The following RSRC1 variants were observed in gnomAD, a reference collection of about 807,000 sequenced individuals.
The protein encoded by RSRC1 is serine/Arginine-related protein 53.
A neutral mutation model predicts 49.1 loss-of-function variants in RSRC1; 39 were observed. The observed-to-expected ratio is 0.79, with a 90% CI of 0.61 to 1.04. The LOEUF (loss-of-function observed/expected upper bound fraction) is 1.04. Among genes scored for constraint, RSRC1 ranks in the 50% least tolerant of loss-of-function variants. The probability of loss-of-function intolerance (pLI) is 0.00; values close to 1 mark genes in which losing one functional copy is unlikely to be tolerated. For missense variants in RSRC1, 388 were observed against 402.4 expected, an observed-to-expected ratio of 0.96 and a Z score of 0.31; for synonymous variants, 143 against 130.8, an observed-to-expected ratio of 1.09 and a Z score of -0.63.
At chr3:158,217,078 A>G (rs1423384495) in intron 4 of RSRC1, among the ~76,000 whole-genome samples, 1 of 151,730 alleles carries the variant, frequency 6.6e-6, no homozygotes, top group Non-Finnish European at 1.5e-5. Flanking sequence ...GAAGTTCAAT[A>G]TATTCAAAAC....
chr3:158,129,867 G>C (rs2108177465), intron 3 of RSRC1, among the ~76,000 whole-genome samples: 1 of 152,314 alleles, frequency 6.6e-6, no homozygotes, highest in Non-Finnish European at 1.5e-5. Flanking sequence ...CAGTAGAATA[G>C]GAGTATTGAC....
intron 8 of RSRC1, among the ~76,000 whole-genome samples, chr3:158,542,414 A>T (rs1465301337): frequency 6.6e-6 from 1 of 152,192 alleles, no homozygotes; most frequent in Non-Finnish European, 1.5e-5. Flanking sequence ...GTGCACCTGT[A>T]ATCCCAGATA....
chr3:158,243,200 T>C (rs1241922252), intron 4 of RSRC1, among the ~76,000 whole-genome samples: 1 of 152,232 alleles, frequency 6.6e-6, no homozygotes, highest in African/African-American at 2.4e-5. Flanking sequence ...TTTAAGTCTT[T>C]AATCTACCTT....
At chr3:158,244,311 C>G (rs1723761635) in intron 4 of RSRC1, among the ~76,000 whole-genome samples, 1 of 152,102 alleles carries the variant, frequency 6.6e-6, no homozygotes, top group Non-Finnish European at 1.5e-5. Flanking sequence ...ACTTAATTTA[C>G]TGAGACTTTT....
At chr3:158,262,566 A>G (rs979238027) in intron 4 of RSRC1, among the ~76,000 whole-genome samples, 8 of 152,254 alleles carry the variant, frequency 5.3e-5, no homozygotes, top group Admixed American at 2.0e-4. Context: ...TTACTACACA[A>G]ATTTTATAAT....
intron 4 of RSRC1, 127 bp from the exon 5 acceptor site, chr3:158,297,912 C>A (rs574868910): frequency 4.7e-5 from 30 of 644,446 alleles, no homozygotes; most frequent in Non-Finnish European, 7.1e-5. Flanking sequence ...TCCTTAAAAA[C>A]AGTGTTATGA....
intron 3 of RSRC1, among the ~76,000 whole-genome samples, chr3:158,197,112 C>A (rs1483475824): frequency 6.6e-6 from 1 of 152,138 alleles, no homozygotes; most frequent in Non-Finnish European, 1.5e-5. Flanking sequence ...TAGAATTTGG[C>A]TGTGAATCCA....
intron 7 of RSRC1, among the ~76,000 whole-genome samples, chr3:158,488,436 AT>A (rs1216868730): frequency 3.9e-5 from 6 of 152,078 alleles, no homozygotes; most frequent in Non-Finnish European, 7.4e-5. Context: ...TTATCATTTA[AT>A]TTCTCTGTTG....
chr3:158,179,418 GAA>G (rs1457728139), intron 3 of RSRC1, among the ~76,000 whole-genome samples: 1 of 152,116 alleles, frequency 6.6e-6, no homozygotes, highest in Non-Finnish European at 1.5e-5. Flanking sequence ...CCCTTTGAAA[GAA>G]AAGATTAGGC....
intron 4 of RSRC1, among the ~76,000 whole-genome samples, chr3:158,275,491 C>T (rs1725754343): frequency 6.6e-6 from 1 of 152,196 alleles, no homozygotes; most frequent in Non-Finnish European, 1.5e-5. Context: ...TCATCACATG[C>T]ACCAGACAAA....
intron 4 of RSRC1, among the ~76,000 whole-genome samples, chr3:158,290,049 T>C (rs1422837188): frequency 6.6e-6 from 1 of 150,430 alleles, no homozygotes; most frequent in Non-Finnish European, 1.5e-5. Context: ...AGCTGAAAAT[T>C]ATATGAAGAT....
intron 6 of RSRC1, among the ~76,000 whole-genome samples, chr3:158,391,536 A>G (rs572895601): frequency 6.6e-6 from 1 of 152,302 alleles, no homozygotes; most frequent in South Asian, 2.1e-4. Context: ...ATTAAGTCCA[A>G]TTTCCCTTAA....
At chr3:158,295,026 T>C (rs1469733917) in intron 4 of RSRC1, among the ~76,000 whole-genome samples, 1 of 152,190 alleles carries the variant, frequency 6.6e-6, no homozygotes, top group Non-Finnish European at 1.5e-5. Flanking sequence ...CAAGGAGTTT[T>C]CACTTCACTG....
chr3:158,316,193 A>G, intron 5 of RSRC1, among the ~76,000 whole-genome samples: 1 of 152,024 alleles, frequency 6.6e-6, no homozygotes, highest in East Asian at 1.9e-4. Context: ...AAAGCTGATA[A>G]TAAAAAGAAA....
intron 5 of RSRC1, among the ~76,000 whole-genome samples, chr3:158,334,501 T>A (rs199738175): frequency 2.8e-4 from 36 of 127,956 alleles, no homozygotes; most frequent in African/African-American, 1.0e-3. Context: ...TTTTTTTTTT[T>A]AAGATGGAGT....
intron 6 of RSRC1, among the ~76,000 whole-genome samples, chr3:158,411,323 A>T (rs1011559560): frequency 2.0e-5 from 3 of 152,074 alleles, no homozygotes; most frequent in African/African-American, 7.2e-5. Flanking sequence ...TAAAAGTGGA[A>T]TTGCTGTGTT....
At chr3:158,375,270 C>A (rs2108272217) in intron 6 of RSRC1, among the ~76,000 whole-genome samples, 1 of 151,408 alleles carries the variant, frequency 6.6e-6, no homozygotes, top group Non-Finnish European at 1.5e-5. Flanking sequence ...GATCATAGCT[C>A]ACTGCAGCCT....
intron 5 of RSRC1, among the ~76,000 whole-genome samples, chr3:158,344,498 T>C (rs901885437): frequency 3.9e-5 from 6 of 152,220 alleles, no homozygotes; most frequent in African/African-American, 1.4e-4. Context: ...AAAATTTGAA[T>C]TCTATACCTT....
chr3:158,471,154 C>A (rs191095526), intron 7 of RSRC1, among the ~76,000 whole-genome samples: 1 of 152,306 alleles, frequency 6.6e-6, no homozygotes, highest in East Asian at 1.9e-4. Context: ...GAGTCAAGGG[C>A]TCTTTTTGTA....
Sources: allele counts gnomAD v4.1 joint callset (sites outside exome capture counted in the v4.1 genomes callset), GRCh38; gene constraint gnomAD v4.1.1; transcripts MANE v1.5; gene names NCBI Gene and HGNC (gene_info 2026-07-23, HGNC 2026-07-21).